The following NOL4 variants were observed in gnomAD, a reference collection of about 807,000 sequenced individuals.
NOL4 encodes cancer/testis antigen 125.
In NOL4, 17 loss-of-function variants were observed where a neutral mutation model predicts 75.9. That is an observed-to-expected ratio of 0.22 (90% CI 0.15 to 0.34). The LOEUF is 0.34. Among genes scored for constraint, NOL4 ranks in the 10% least tolerant of loss-of-function variants. NOL4 has a pLI of 1.00. For missense variants in NOL4, 614 were observed against 793.5 expected, an observed-to-expected ratio of 0.77 and a Z score of 2.72; for synonymous variants, 292 against 289.9, an observed-to-expected ratio of 1.01 and a Z score of -0.07.
intron 6 of NOL4, among the ~76,000 whole-genome samples, chr18:33,982,591 T>C (rs114418447): frequency 9.1e-4 from 139 of 152,072 alleles, no homozygotes; most frequent in Middle Eastern, 3.4e-3. Flanking sequence ...CAGGGAGAAA[T>C]AGATTAGTCT....
chr18:34,003,816 G>A (rs190857314), intron 6 of NOL4, among the ~76,000 whole-genome samples: 2 of 152,074 alleles, frequency 1.3e-5, no homozygotes, highest in Admixed American at 1.3e-4. Context: ...TCCTCCCCCT[G>A]GCCAAGGGCA....
intron 6 of NOL4, among the ~76,000 whole-genome samples, chr18:33,999,981 C>A (rs528043682): frequency 9.2e-5 from 14 of 152,156 alleles, no homozygotes; most frequent in African/African-American, 3.1e-4. Context: ...ATTTTTCCTT[C>A]TGAGCCAGAA....
chr18:34,189,882 T>G (rs2034780408), intron 1 of NOL4, among the ~76,000 whole-genome samples: 1 of 151,918 alleles, frequency 6.6e-6, no homozygotes. Flanking sequence ...AACATCTATT[T>G]TGCAGGTTGC....
chr18:34,162,118 GAGAC>G (rs1452025018), intron 1 of NOL4, among the ~76,000 whole-genome samples: 9 of 152,058 alleles, frequency 5.9e-5, no homozygotes, highest in Admixed American at 1.3e-4. Flanking sequence ...TTTCAACTGT[GAGAC>G]AGGTCTGTGT....
chr18:34,205,369 G>A (rs2146518076), intron 1 of NOL4, among the ~76,000 whole-genome samples: 1 of 152,196 alleles, frequency 6.6e-6, no homozygotes, highest in East Asian at 1.9e-4. Flanking sequence ...CGCCTCCCCA[G>A]TGTGTAAGAA....
In NOL4 at chr18:34,077,211, G is replaced by A. The variant is rs545376108; in HGVS notation, c.772+16254C>T. On this transcript the variant is annotated intron_variant, in intron 5 of 10. Transcript: ENST00000261592. The stretch of plus-strand genomic sequence containing the variant: ...TGGGCCCAGCTACCTGGGAGGCTGA[G>A]GTGGAAGGATCATCTGAACCCCAGT... Among the ~76,000 whole-genome samples the A allele has an allele frequency of 2.6e-5, 4 of 152,242 alleles. No individual in the cohort carries two copies. In the East Asian group the frequency reaches 7.7e-4, roughly 29 times the overall value.
chr18:33,934,685 T>G (rs751497963), intron 9 of NOL4, among the ~76,000 whole-genome samples: 8 of 152,138 alleles, frequency 5.3e-5, no homozygotes, highest in Admixed American at 1.3e-4. Flanking sequence ...TCCTGCAGCT[T>G]CCTCACCTCT....
intron 6 of NOL4, among the ~76,000 whole-genome samples, chr18:34,008,371 G>GTCTGTCTGTCTA (rs1555690666): frequency 1.0e-4 from 15 of 147,566 alleles, no homozygotes; most frequent in Admixed American, 6.2e-4. Flanking sequence ...CTATCTGTCT[G>GTCTGTCTGTCTA]TCTATCTATC....
intron 9 of NOL4, among the ~76,000 whole-genome samples, chr18:33,900,956 C>G (rs532474041): frequency 1.3e-5 from 2 of 152,226 alleles, no homozygotes; most frequent in South Asian, 4.1e-4. Flanking sequence ...TTATGTCTAG[C>G]ATGCTACAAA....
chr18:34,181,994 C>T (rs984247168), intron 1 of NOL4, among the ~76,000 whole-genome samples: 15 of 151,558 alleles, frequency 9.9e-5, no homozygotes, highest in African/African-American at 3.6e-4. Context: ...TGAAAAGAGT[C>T]TGGCAGTTCT....
At chr18:34,141,118 A>G (rs1165923232) in intron 1 of NOL4, among the ~76,000 whole-genome samples, 1 of 152,184 alleles carries the variant, frequency 6.6e-6, no homozygotes, top group Admixed American at 6.5e-5. Context: ...TAGGAATCCA[A>G]CTTACAAGGG....
At chr18:33,859,474 T>A (rs1371606874) in intron 10 of NOL4, among the ~76,000 whole-genome samples, 2 of 152,172 alleles carry the variant, frequency 1.3e-5, no homozygotes, top group African/African-American at 4.8e-5. Flanking sequence ...CTTTTTTTGT[T>A]TGTTTTTTGT....
At chr18:34,094,260 T>C (rs758345024) in intron 4 of NOL4, among the ~76,000 whole-genome samples, 11 of 152,170 alleles carry the variant, frequency 7.2e-5, no homozygotes, top group Non-Finnish European at 1.3e-4. Flanking sequence ...GAAAGGGCTT[T>C]ATAAAAAAAT....
chr18:34,207,054 G>A (rs1281093910), intron 1 of NOL4, among the ~76,000 whole-genome samples: 1 of 151,872 alleles, frequency 6.6e-6, no homozygotes. Flanking sequence ...ATTGACATTT[G>A]ATTCTTTTGA....
intron 1 of NOL4, among the ~76,000 whole-genome samples, chr18:34,148,228 A>T (rs1255509508): frequency 6.6e-6 from 1 of 151,572 alleles, no homozygotes; most frequent in Non-Finnish European, 1.5e-5. Context: ...TTCTGCTCTG[A>T]TCTTTGTTAT....
chr18:34,086,958 A>G (rs971322706), intron 5 of NOL4, among the ~76,000 whole-genome samples: 5 of 152,178 alleles, frequency 3.3e-5, no homozygotes, highest in African/African-American at 1.2e-4. Flanking sequence ...ATGAACTTAC[A>G]TGCTATTCCT....
intron 5 of NOL4, among the ~76,000 whole-genome samples, chr18:34,040,715 T>A (rs1386337977): frequency 1.3e-5 from 2 of 151,918 alleles, no homozygotes; most frequent in African/African-American, 2.4e-5. Context: ...TATCATTTAA[T>A]GGAATCTCCT....
intron 6 of NOL4, among the ~76,000 whole-genome samples, chr18:33,976,531 T>G (rs1289040886): frequency 6.6e-6 from 1 of 152,176 alleles, no homozygotes; most frequent in Non-Finnish European, 1.5e-5. Flanking sequence ...GATACCTCAG[T>G]TTAGTTTCCA....
intron 5 of NOL4, among the ~76,000 whole-genome samples, chr18:34,058,862 G>GT (rs1197269484): frequency 2.0e-5 from 3 of 151,882 alleles, no homozygotes; most frequent in Non-Finnish European, 4.4e-5. Flanking sequence ...ACAATTTCTA[G>GT]TTTTTTCTCA....
Sources: gnomAD v4.1 joint callset for allele counts (sites outside exome capture counted in the v4.1 genomes callset) on GRCh38, gnomAD v4.1.1 for gene constraint, MANE v1.5 for transcripts, NCBI Gene and HGNC (gene_info 2026-07-23, HGNC 2026-07-21) for gene names.